The following HIVEP3 variants were observed in gnomAD, a reference collection of about 807,000 sequenced individuals.
HIVEP3 encodes HIVEP zinc finger 3.
Under a neutral mutation model 152.8 loss-of-function variants are expected in HIVEP3, and 49 were observed. That is an observed-to-expected ratio of 0.32 (90% CI 0.26 to 0.41). The LOEUF is 0.41. Among genes scored for constraint, HIVEP3 ranks in the 10% least tolerant of loss-of-function variants. The pLI is 1.00. For synonymous variants in HIVEP3, 1,269 were observed against 1,289.0 expected (o/e 0.98, Z 0.33); for missense variants, 2,790 against 3,103.3 (o/e 0.90, Z 2.40).
At chr1:42,030,988 T>A (rs1197329980) in intron 1 of HIVEP3, among the ~76,000 whole-genome samples, 1 of 152,224 alleles carries the variant, frequency 6.6e-6, no homozygotes, top group Non-Finnish European at 1.5e-5. Flanking sequence ...TTTACTCATG[T>A]CTAGATGCAG....
chr1:41,655,366 T>C (rs2124028531), intron 2 of HIVEP3, among the ~76,000 whole-genome samples: 1 of 151,908 alleles, frequency 6.6e-6, no homozygotes, highest in Non-Finnish European at 1.5e-5. Flanking sequence ...GCAGATTACT[T>C]GAGGTCAGAA....
intron 1 of HIVEP3, among the ~76,000 whole-genome samples, chr1:41,935,605 T>C (rs1022726524): frequency 6.6e-6 from 1 of 151,918 alleles, no homozygotes; most frequent in Non-Finnish European, 1.5e-5. Flanking sequence ...TTTTTAAATG[T>C]CTCTCTCACT....
chr1:41,789,374 C>T (rs952517492), intron 1 of HIVEP3, among the ~76,000 whole-genome samples: 2 of 152,166 alleles, frequency 1.3e-5, no homozygotes, highest in Non-Finnish European at 2.9e-5. Context: ...CATATGCGTA[C>T]AAGGCATGAG....
intron 1 of HIVEP3, among the ~76,000 whole-genome samples, chr1:41,811,689 C>T (rs370672575): frequency 4.6e-5 from 7 of 151,260 alleles, no homozygotes; most frequent in African/African-American, 1.2e-4. Flanking sequence ...TGGAGCACCA[C>T]GGGGAGGGGG....
intron 3 of HIVEP3, among the ~76,000 whole-genome samples, chr1:41,620,619 A>G (rs10890145): frequency 0.62 from 93,794 of 151,946 alleles, 29,428 homozygotes; most frequent in African/African-American, 0.74. Flanking sequence ...CACCTGCCCC[A>G]CCCAGCACGC....
At chr1:41,807,454 T>G (rs1205047330) in intron 1 of HIVEP3, among the ~76,000 whole-genome samples, 2 of 150,032 alleles carry the variant, frequency 1.3e-5, no homozygotes, top group African/African-American at 2.5e-5. Context: ...ACAGAGGGAG[T>G]GAGGGAAGGA....
At chr1:41,998,342 C>T (rs1487563406) in intron 1 of HIVEP3, among the ~76,000 whole-genome samples, 1 of 152,006 alleles carries the variant, frequency 6.6e-6, no homozygotes, top group African/African-American at 2.4e-5. Flanking sequence ...TGAATTTTGC[C>T]CAGTTAAACT....
At chr1:41,515,116 A>G (rs1642567068) in intron 7 of HIVEP3, among the ~76,000 whole-genome samples, 2 of 152,190 alleles carry the variant, frequency 1.3e-5, no homozygotes, top group South Asian at 4.1e-4. Context: ...TGAGCTGGCC[A>G]GCCAGCCCCA....
chr1:41,915,514 T>C (rs913890985), intron 1 of HIVEP3, among the ~76,000 whole-genome samples: 1 of 152,208 alleles, frequency 6.6e-6, no homozygotes, highest in African/African-American at 2.4e-5. Context: ...CTCTTAAAAC[T>C]TGAAGTAAAT....
At chr1:41,678,682 C>A (rs542941108) in intron 2 of HIVEP3, among the ~76,000 whole-genome samples, 1 of 149,896 alleles carries the variant, frequency 6.7e-6, no homozygotes, top group Non-Finnish European at 1.5e-5. Context: ...TGGGCCTGAG[C>A]CCACCACACC....
rs1230882888 is a variant in HIVEP3 at position 41,662,842 on chromosome 1, G to A, written c.-720-33895C>T. Among the ~76,000 whole-genome samples the A allele has an allele frequency of 4.6e-5, 7 of 152,282 alleles. No homozygotes were observed. Among genetic ancestry groups the A allele is most frequent in the African/African-American group, 1.7e-4 (7 of 41,572 alleles). On this transcript the variant is annotated intron_variant, in intron 2 of 8. Transcript: ENST00000372583. The surrounding 1 kb of genome is among the most constrained non-coding windows in gnomAD (Gnocchi z 7.2). Reference sequence around the variant, plus strand: ...GCCTTGGTCGCACCCGGGCCCAGCGGGAGTCCATCGCCGTCCCCAAAGTGT... The same window carrying A: ...GCCTTGGTCGCACCCGGGCCCAGCGAGAGTCCATCGCCGTCCCCAAAGTGT...
chr1:41,699,521 G>T (rs1558190217), intron 2 of HIVEP3, among the ~76,000 whole-genome samples: 1 of 152,234 alleles, frequency 6.6e-6, no homozygotes, highest in Non-Finnish European at 1.5e-5. Context: ...AATCCTTACA[G>T]AATTGCTGCC....
At chr1:41,724,062 TATC>T (rs1410911992) in intron 1 of HIVEP3, among the ~76,000 whole-genome samples, 2 of 152,132 alleles carry the variant, frequency 1.3e-5, no homozygotes, top group African/African-American at 4.8e-5. Flanking sequence ...GCGATAATAA[TATC>T]ATGAGGGGGG....
chr1:41,531,910 G>A (rs1643268827), intron 5 of HIVEP3, among the ~76,000 whole-genome samples: 1 of 132,036 alleles, frequency 7.6e-6, no homozygotes, highest in Admixed American at 7.6e-5. Flanking sequence ...CAGGGGAGAT[G>A]GAGGACATGA....
chr1:41,720,323 G>A (rs753192454), intron 1 of HIVEP3, among the ~76,000 whole-genome samples: 1 of 152,108 alleles, frequency 6.6e-6, no homozygotes, highest in Non-Finnish European at 1.5e-5. Context: ...TCCCCATTTG[G>A]GACATTCAAC....
At chr1:41,947,262 T>G (rs1226362083) in intron 1 of HIVEP3, among the ~76,000 whole-genome samples, 1 of 152,182 alleles carries the variant, frequency 6.6e-6, no homozygotes, top group Non-Finnish European at 1.5e-5. Flanking sequence ...TTCAGAAACC[T>G]TGTGCCATCA....
At chr1:41,960,077 C>T (rs778701731) in intron 1 of HIVEP3, among the ~76,000 whole-genome samples, 2 of 152,146 alleles carry the variant, frequency 1.3e-5, no homozygotes, top group Non-Finnish European at 2.9e-5. Context: ...ACAACAACAA[C>T]AGCCTGATAA....
intron 2 of HIVEP3, among the ~76,000 whole-genome samples, chr1:41,633,046 C>T (rs1033585173): frequency 2.0e-5 from 3 of 152,050 alleles, no homozygotes; most frequent in Non-Finnish European, 4.4e-5. Context: ...CTTCTGGCTG[C>T]GGTCGTGAGG....
At chr1:41,648,686 T>A (rs1645499491) in intron 2 of HIVEP3, among the ~76,000 whole-genome samples, 1 of 152,216 alleles carries the variant, frequency 6.6e-6, no homozygotes, top group African/African-American at 2.4e-5. Flanking sequence ...GTTACATGAA[T>A]TTAAAAGTTC....
Sources: gnomAD v4.1 joint callset for allele counts (sites outside exome capture counted in the v4.1 genomes callset) on GRCh38, gnomAD v4.1.1 for gene constraint, Gnocchi (gnomAD v3.1) non-coding constraint, MANE v1.5 for transcripts, NCBI Gene and HGNC (gene_info 2026-07-23, HGNC 2026-07-21) for gene names.